CORIN: variants seen among roughly 807,000 people sequenced by gnomAD.
CORIN encodes the protein atrial natriuretic peptide-converting enzyme.
A neutral mutation model predicts 125.3 loss-of-function variants in CORIN; 117 were observed. The ratio of observed to expected loss-of-function variants is 0.93; its 90% CI spans 0.80 to 1.09. The LOEUF (loss-of-function observed/expected upper bound fraction) is 1.09. Among genes scored for constraint, CORIN ranks in the 50% least tolerant of loss-of-function variants. The probability of loss-of-function intolerance (pLI) is 0.00; values close to 1 mark genes in which losing one functional copy is unlikely to be tolerated. For missense variants in CORIN, 1,253 were observed against 1,306.7 expected, an observed-to-expected ratio of 0.96 and a Z score of 0.63; for synonymous variants, 450 against 466.4, an observed-to-expected ratio of 0.96 and a Z score of 0.45.
chr4:47,674,186 G>A (rs964996835), intron 10 of CORIN, among the ~76,000 whole-genome samples: 3 of 152,146 alleles, frequency 2.0e-5, no homozygotes, highest in African/African-American at 7.2e-5. Flanking sequence ...ATAGGCGTTC[G>A]CAATGACACA....
chr4:47,680,300 A>C lies in CORIN; in HGVS notation c.1022-49T>G, dbSNP rs564937113. 2.9e-6 allele frequency: 4 copies of C among 1,358,514 alleles called. No homozygotes were observed. In the Admixed American group the frequency reaches 5.2e-5, roughly 18 times the overall value. 84.2% of individuals were successfully genotyped at this position (1,358,514 alleles called of 1,614,324 possible). The stretch of plus-strand genomic sequence containing the variant: ...GATGCAGAGAACCAGCATGACTAAC[A>C]GGCAGGATTCTATGGCTCCCAGTTC... On this transcript the variant is annotated intron_variant, in intron 7 of 21. Coordinates refer to ENST00000273857, the MANE Select transcript of CORIN (RefSeq NM_006587.4).
intron 12 of CORIN, among the ~76,000 whole-genome samples, chr4:47,658,243 A>G (rs1724081577): frequency 6.6e-6 from 1 of 152,216 alleles, no homozygotes; most frequent in African/African-American, 2.4e-5. Flanking sequence ...ATTAAATCTT[A>G]AAGCTCCAAA....
chr4:47,623,878 C>A (rs1340714643), intron 18 of CORIN, 21 bp downstream of exon 18: 27 of 1,612,002 alleles, frequency 1.7e-5, no homozygotes, highest in Non-Finnish European at 2.2e-5. Context: ...TATCCCATTG[C>A]CACACCTCTA....
intron 2 of CORIN, among the ~76,000 whole-genome samples, chr4:47,788,642 AC>A (rs954997686): frequency 1.3e-3 from 199 of 152,332 alleles, no homozygotes; most frequent in African/African-American, 3.1e-3. Flanking sequence ...TTAATCAATT[AC>A]CTATAGTTTT....
chr4:47,721,384 C>A (rs943197764), intron 5 of CORIN, among the ~76,000 whole-genome samples: 2 of 152,128 alleles, frequency 1.3e-5, no homozygotes, highest in African/African-American at 4.8e-5. Flanking sequence ...ATTCTCCTGC[C>A]TCAGACACCC....
chr4:47,617,842 A>G (rs934807579), intron 19 of CORIN, among the ~76,000 whole-genome samples: 2 of 152,230 alleles, frequency 1.3e-5, no homozygotes, highest in Non-Finnish European at 2.9e-5. Flanking sequence ...CAGTGCATTA[A>G]AAGACTGACA....
intron 1 of CORIN, among the ~76,000 whole-genome samples, chr4:47,808,222 C>T (rs1001325460): frequency 9.2e-5 from 14 of 152,112 alleles, no homozygotes; most frequent in African/African-American, 3.1e-4. Context: ...CCCCCTATGC[C>T]GTACATCACC....
At chr4:47,689,348 C>T (rs1277848426) in intron 6 of CORIN, among the ~76,000 whole-genome samples, 1 of 152,072 alleles carries the variant, frequency 6.6e-6, no homozygotes, top group Non-Finnish European at 1.5e-5. Flanking sequence ...GAAACTGAGG[C>T]ACAGAGAGGT....
chr4:47,697,899 G>A (rs1003322302), intron 5 of CORIN, among the ~76,000 whole-genome samples: 1 of 151,898 alleles, frequency 6.6e-6, no homozygotes, highest in Non-Finnish European at 1.5e-5. Context: ...ATCTAATGAC[G>A]TATTTTAAGT....
At chr4:47,667,283 T>C (rs1230060100) in intron 10 of CORIN, among the ~76,000 whole-genome samples, 2 of 152,206 alleles carry the variant, frequency 1.3e-5, no homozygotes, top group African/African-American at 2.4e-5. Context: ...GTCTCAGGTA[T>C]GTCTTTATCA....
intron 5 of CORIN, among the ~76,000 whole-genome samples, chr4:47,710,456 C>T (rs963872253): frequency 1.3e-5 from 2 of 152,220 alleles, no homozygotes; most frequent in Admixed American, 1.3e-4. Context: ...CTACTAATAA[C>T]GTCTACTTCC....
intron 5 of CORIN, among the ~76,000 whole-genome samples, chr4:47,744,042 C>A (rs1728540872): frequency 6.6e-6 from 1 of 152,072 alleles, no homozygotes; most frequent in African/African-American, 2.4e-5. Context: ...AATGAATGAA[C>A]CACAATATGA....
chr4:47,679,966 T>C (rs1197998528), intron 8 of CORIN, 175 bp downstream of exon 8: 4 of 506,322 alleles, frequency 7.9e-6, no homozygotes, highest in East Asian at 3.5e-5. Flanking sequence ...TACACTCCAT[T>C]GCTATTGTCA....
At chr4:47,690,277 T>C (rs1725709226) in intron 6 of CORIN, among the ~76,000 whole-genome samples, 2 of 152,312 alleles carry the variant, frequency 1.3e-5, no homozygotes, top group South Asian at 4.1e-4. Flanking sequence ...CATTAGATTT[T>C]GAACCATTTA....
chr4:47,600,272 G>C lies in CORIN; in HGVS notation c.2888C>G (p.Thr963Ser), dbSNP rs1433104312. 6.2e-7 allele frequency: 1 copy of C among 1,613,694 alleles called. No homozygotes were observed. Among genetic ancestry groups the C allele is most frequent in the Admixed American group, 1.7e-5 (1 of 59,974 alleles). ...AGCACATATCATCCGAGTGGTGATG[G>C]TCTTCATGTCAAAGTAGGACTGACA... ...EHCQSYFDMK[T>S]ITTRMICAGY... The change falls in exon 21 of 22, where the codon ACC (threonine) becomes AGC (serine). Residue 963 changes from threonine (T) to serine (S), a missense_variant. By Grantham distance (58) the Thr-to-Ser change is moderately conservative. Coordinates refer to ENST00000273857, the MANE Select transcript of CORIN (RefSeq NM_006587.4).
chr4:47,779,485 G>T (rs1449476637), intron 3 of CORIN, among the ~76,000 whole-genome samples: 1 of 150,398 alleles, frequency 6.6e-6, no homozygotes, highest in Non-Finnish European at 1.5e-5. Context: ...CACCCAGGCT[G>T]GAGTGAAGTG....
At position 47,786,754 on chromosome 4, in the gene CORIN, A is replaced by C. The variant is rs916848276; in HGVS notation, c.380T>G (p.Leu127Arg). 1 of 1,614,134 alleles carries C rather than the reference A, an allele frequency of 6.2e-7. No individual in the cohort carries two copies. The highest frequency in any genetic ancestry group is 1.7e-5 in the Admixed American group (1 of 60,018). The change falls in exon 3 of 22, where the codon CTC becomes CGC. Residue 127 changes from leucine to arginine, a missense_variant. By Grantham distance (102) the Leu-to-Arg change is moderately radical. Transcript: ENST00000273857. ...ATTCCTGTGACTTTGGTCCCCTGGG[A>C]GAGAAGCATCCGTAGTCCAGGCTGG... is the stretch of plus-strand genomic sequence containing the variant. ...HVPAWTTDAS[L>R]PGDQSHRNTS...
chr4:47,672,659 C>T (rs964382938), intron 10 of CORIN, among the ~76,000 whole-genome samples: 1 of 151,818 alleles, frequency 6.6e-6, no homozygotes, highest in African/African-American at 2.4e-5. Flanking sequence ...CATATATACA[C>T]ATATATATGC....
At chr4:47,715,732 T>C (rs1727059868) in intron 5 of CORIN, among the ~76,000 whole-genome samples, 1 of 152,232 alleles carries the variant, frequency 6.6e-6, no homozygotes, top group African/African-American at 2.4e-5. Context: ...ATAATCGTCA[T>C]AATATTCTTC....
Sources: gnomAD v4.1 joint callset for allele counts (sites outside exome capture counted in the v4.1 genomes callset) on GRCh38, gnomAD v4.1.1 for gene constraint, MANE v1.5 for transcripts, NCBI Gene and HGNC (gene_info 2026-07-23, HGNC 2026-07-21) for gene names.